Variants in NETO1 observed in about 807,000 individuals in gnomAD.
NETO1 encodes neuropilin and tolloid-like protein 1.
NETO1 carries 26 observed loss-of-function variants against 61.3 expected under a neutral mutation model. That is an observed-to-expected ratio of 0.42 (90% confidence interval 0.31 to 0.59). The LOEUF (loss-of-function observed/expected upper bound fraction) is 0.59, where lower values mean the gene tolerates loss of function less well. NETO1 is among the 20% of genes least tolerant of loss of function. The pLI is 0.12. For synonymous variants in NETO1, 225 were observed against 225.8 expected (o/e 1.00, Z 0.03); for missense variants, 531 against 662.8 (o/e 0.80, Z 2.18).
Position 72,834,780 on chromosome 18 carries a change from C to T in NETO1, c.469+24046G>A, listed in dbSNP as rs147836024. 32 of 984,596 alleles carry T rather than the reference C, an allele frequency of 3.3e-5. No individual in the cohort carries two copies. The African/African-American group carries it at 3.9e-4, about 12-fold the overall frequency. 61.0% of individuals were successfully genotyped at this position (984,596 alleles called of 1,614,324 possible). Reference sequence around the variant, plus strand: ...ATACATGTTAATTCCCAGTCCATGGCGATAAGAAACTAAAGCAAAACTCCT... The same window carrying T: ...ATACATGTTAATTCCCAGTCCATGGTGATAAGAAACTAAAGCAAAACTCCT... On this transcript the variant is annotated intron_variant, in intron 4 of 10. Coordinates refer to ENST00000327305, the MANE Select transcript of NETO1 (RefSeq NM_138966.5).
In NETO1 at chr18:72,747,147, G is replaced by A. The variant is rs1398991151; in HGVS notation, c.*1032C>T. On this transcript the variant is annotated 3_prime_UTR_variant, in exon 11 of 11. Transcript: ENST00000327305. ...TCCTGTACCCTAAAAGGTGGAAAGAGTTGACATAAAATGTGTATTTATGTG... is the reference window on the plus strand; with the variant it reads ...TCCTGTACCCTAAAAGGTGGAAAGAATTGACATAAAATGTGTATTTATGTG... The A allele has an allele frequency of 6.6e-6, 1 of 151,970 alleles. No homozygotes were observed. The highest frequency in any genetic ancestry group is 1.9e-4 in the East Asian group (1 of 5,186). The allele number at this position is 151,970 out of a possible 1,614,324, so 9.4% of individuals were successfully genotyped here. A position where few individuals can be genotyped will look rare whatever the true frequency, so the allele number is the denominator to read the frequency against.
chr18:72,776,587 T>C (rs1360600910), intron 7 of NETO1, among the ~76,000 whole-genome samples: 1 of 151,954 alleles, frequency 6.6e-6, no homozygotes, highest in African/African-American at 2.4e-5. Context: ...GAGGGTTTGC[T>C]TCCTCATGGA....
intron 4 of NETO1, among the ~76,000 whole-genome samples, chr18:72,811,081 C>T (rs777182388): frequency 1.3e-5 from 2 of 152,142 alleles, no homozygotes; most frequent in Non-Finnish European, 2.9e-5. Flanking sequence ...CTTCCCTTTC[C>T]ATATCCGCCA....
At chr18:72,802,263 C>T (rs1458636076) in intron 4 of NETO1, among the ~76,000 whole-genome samples, 2 of 152,050 alleles carry the variant, frequency 1.3e-5, no homozygotes, top group East Asian at 3.9e-4. Context: ...AAATGTCTCA[C>T]AGTTATTGTG....
intron 3 of NETO1, among the ~76,000 whole-genome samples, chr18:72,860,950 G>A (rs900492175): frequency 8.5e-5 from 13 of 152,132 alleles, no homozygotes; most frequent in Non-Finnish European, 1.5e-4. Context: ...CAAGTTTTAT[G>A]ATGAAACAAA....
At chr18:72,811,850 G>C (rs1192136389) in intron 4 of NETO1, among the ~76,000 whole-genome samples, 3 of 152,140 alleles carry the variant, frequency 2.0e-5, no homozygotes, top group Non-Finnish European at 4.4e-5. Context: ...CATGGATTTG[G>C]GGTTCTGAAA....
intron 4 of NETO1, among the ~76,000 whole-genome samples, chr18:72,807,143 T>G (rs192982755): frequency 6.6e-6 from 1 of 152,226 alleles, no homozygotes; most frequent in African/African-American, 2.4e-5. Context: ...ATAAAATTCA[T>G]ATCACCATGT....
intron 8 of NETO1, among the ~76,000 whole-genome samples, chr18:72,754,742 C>A (rs141742355): frequency 1.3e-5 from 2 of 152,046 alleles, no homozygotes; most frequent in African/African-American, 4.8e-5. Flanking sequence ...AATTTAACAC[C>A]CACTTTCAAT....
intron 4 of NETO1, among the ~76,000 whole-genome samples, chr18:72,836,028 C>T (rs1166984671): frequency 1.3e-5 from 2 of 152,136 alleles, no homozygotes; most frequent in South Asian, 2.1e-4. Context: ...GTAAAAGGAA[C>T]GGAATGACTC....
intron 4 of NETO1, among the ~76,000 whole-genome samples, chr18:72,803,068 T>C (rs2072559987): frequency 1.3e-5 from 2 of 152,206 alleles, no homozygotes; most frequent in African/African-American, 4.8e-5. Context: ...ATTTGGATGT[T>C]TGGCAGATAT....
intron 7 of NETO1, among the ~76,000 whole-genome samples, chr18:72,757,738 C>T (rs545767946): frequency 6.6e-6 from 1 of 152,226 alleles, no homozygotes; most frequent in East Asian, 1.9e-4. Flanking sequence ...TTGTAAAGAC[C>T]TGCTCTTTAG....
chr18:72,861,411 A>C (rs1179109521), intron 3 of NETO1, among the ~76,000 whole-genome samples: 4 of 152,082 alleles, frequency 2.6e-5, no homozygotes, highest in African/African-American at 9.7e-5. Context: ...AACTATTTGA[A>C]GCTCTCTAAC....
intron 7 of NETO1, among the ~76,000 whole-genome samples, chr18:72,771,730 C>T (rs185653814): frequency 6.6e-6 from 1 of 152,086 alleles, no homozygotes; most frequent in African/African-American, 2.4e-5. Context: ...TAATAAATAG[C>T]AATATATTAA....
intron 7 of NETO1, among the ~76,000 whole-genome samples, chr18:72,766,214 A>G (rs1391599735): frequency 4.7e-5 from 4 of 85,504 alleles, no homozygotes; most frequent in East Asian, 4.2e-4. Context: ...TCAGAAAAAA[A>G]AAAATATGTG....
At chr18:72,854,127 T>G (rs1037905895) in intron 4 of NETO1, among the ~76,000 whole-genome samples, 1 of 56,278 alleles carries the variant, frequency 1.8e-5, no homozygotes, top group South Asian at 9.7e-4. Flanking sequence ...TCCCTTTGCC[T>G]TTGAAGTCCA....
intron 4 of NETO1, among the ~76,000 whole-genome samples, chr18:72,799,520 C>T (rs1172070243): frequency 1.3e-5 from 2 of 152,178 alleles, no homozygotes; most frequent in Non-Finnish European, 2.9e-5. Flanking sequence ...GACTGGACGG[C>T]TTTCTTGTTT....
intron 4 of NETO1, among the ~76,000 whole-genome samples, chr18:72,841,736 C>CAAAAAA (rs10690867): frequency 8.7e-6 from 1 of 115,408 alleles, no homozygotes; most frequent in Non-Finnish European, 1.7e-5. Flanking sequence ...TCTACCTCAA[C>CAAAAAA]AAAAAAAAAA....
At chr18:72,846,950 G>A (rs1282280904) in intron 4 of NETO1, among the ~76,000 whole-genome samples, 1 of 152,232 alleles carries the variant, frequency 6.6e-6, no homozygotes, top group East Asian at 1.9e-4. Flanking sequence ...AAGGAAGTAC[G>A]CATTCCTTTC....
chr18:72,845,416 T>C (rs2074053423), intron 4 of NETO1, among the ~76,000 whole-genome samples: 1 of 152,184 alleles, frequency 6.6e-6, no homozygotes, highest in Non-Finnish European at 1.5e-5. Context: ...CTATTGTATA[T>C]ATAACATATA....
Sources: allele counts gnomAD v4.1 joint callset (sites outside exome capture counted in the v4.1 genomes callset), GRCh38; gene constraint gnomAD v4.1.1; transcripts MANE v1.5; gene names NCBI Gene and HGNC (gene_info 2026-07-23, HGNC 2026-07-21).